Variants in CHODL observed in about 807,000 individuals in gnomAD.
CHODL encodes chondrolectin, also known as transmembrane protein MT75.
A neutral mutation model predicts 34.5 loss-of-function variants in CHODL; 29 were observed. The ratio of observed to expected loss-of-function variants is 0.84; its 90% confidence interval spans 0.63 to 1.15. The LOEUF is 1.15. Among genes scored for constraint, CHODL ranks in the 50% most tolerant of loss-of-function variants. CHODL has a pLI of 0.00. For missense variants in CHODL, 332 were observed against 332.5 expected, an observed-to-expected ratio of 1.00 and a Z score of 0.01; for synonymous variants, 125 against 116.1, an observed-to-expected ratio of 1.08 and a Z score of -0.49.
At chr21:18,021,116 A>G (rs879572000) in intron 1 of CHODL, among the ~76,000 whole-genome samples, 1 of 152,256 alleles carries the variant, frequency 6.6e-6, no homozygotes, top group African/African-American at 2.4e-5. Flanking sequence ...AGTTGTCAGC[A>G]TAAAAGAGCC....
intron 1 of CHODL, among the ~76,000 whole-genome samples, chr21:17,941,730 A>G (rs912271323): frequency 2.0e-5 from 3 of 152,208 alleles, no homozygotes; most frequent in Non-Finnish European, 4.4e-5. Flanking sequence ...CGCTCAGGCT[A>G]CTATAACAAA....
At chr21:18,233,636 C>T (rs991428566) in intron 2 of CHODL, among the ~76,000 whole-genome samples, 3 of 151,966 alleles carry the variant, frequency 2.0e-5, no homozygotes, top group Admixed American at 6.6e-5. Context: ...AACAGTTCAG[C>T]TTTCATTTTG....
chr21:17,941,769 A>G (rs925047968), intron 1 of CHODL, among the ~76,000 whole-genome samples: 4 of 152,200 alleles, frequency 2.6e-5, no homozygotes, highest in Non-Finnish European at 5.9e-5. Flanking sequence ...CTTATAAACA[A>G]CAGAAATTTA....
intron 2 of CHODL, among the ~76,000 whole-genome samples, chr21:18,195,969 A>G (rs141346334): frequency 6.6e-6 from 1 of 152,336 alleles, no homozygotes; most frequent in African/African-American, 2.4e-5. Context: ...CCTTCTGACC[A>G]TGGTGAACAT....
chr21:18,049,770 A>T (rs1446273409), intron 2 of CHODL, among the ~76,000 whole-genome samples: 1 of 151,994 alleles, frequency 6.6e-6, no homozygotes, highest in East Asian at 1.9e-4. Context: ...TAACAGCCTC[A>T]TTTTAACATA....
rs1346544531 is a variant in CHODL at position 18,032,662 on chromosome 21, G to T, written c.-45+4691G>T. ...GCAAATCAATGTACCCTAACATCTGGTGTGCAATTACTTACTTGAAAATAT... is the reference window on the plus strand; with the variant it reads ...GCAAATCAATGTACCCTAACATCTGTTGTGCAATTACTTACTTGAAAATAT... On this transcript the variant is annotated intron_variant, in intron 2 of 6. Coordinates refer to the CHODL transcript ENST00000400127. Among the ~76,000 whole-genome samples, 9 of 152,146 alleles carry T rather than the reference G, an allele frequency of 5.9e-5. No individual in the cohort carries two copies. In the East Asian group the frequency reaches 1.6e-3, roughly 26 times the overall value.
intron 2 of CHODL, among the ~76,000 whole-genome samples, chr21:18,050,629 T>C (rs1235126219): frequency 6.6e-6 from 1 of 151,894 alleles, no homozygotes; most frequent in Non-Finnish European, 1.5e-5. Context: ...CAACGATGAC[T>C]CCCAGGTTTG....
At chr21:18,261,325 C>CA (rs2074379675) in intron 4 of CHODL, among the ~76,000 whole-genome samples, 1 of 149,554 alleles carries the variant, frequency 6.7e-6, no homozygotes, top group African/African-American at 2.5e-5. Flanking sequence ...CTAACCTGCA[C>CA]AATGTGCACA....
chr21:18,244,521 C>T (rs2074112564), upstream of CHODL, among the ~76,000 whole-genome samples: 1 of 152,220 alleles, frequency 6.6e-6, no homozygotes, highest in African/African-American at 2.4e-5. Context: ...CACAACTTGG[C>T]AACCCCGTAG....
chr21:18,265,742 A>T (rs2074451782), intron 5 of CHODL, among the ~76,000 whole-genome samples: 1 of 152,174 alleles, frequency 6.6e-6, no homozygotes, highest in South Asian at 2.1e-4. Context: ...AAACAGGAAA[A>T]GATATGTTTT....
At position 18,078,014 on chromosome 21, in the gene CHODL, T is replaced by C. The variant is rs540736481; in HGVS notation, c.-45+50043T>C. The stretch of plus-strand genomic sequence containing the variant: ...GTGTGGTTAGAAGTATGGACTTGAG[T>C]CAAACTATTGGGTTTATAATTCAGG... On this transcript the variant is annotated intron_variant, in intron 2 of 6. Coordinates refer to the CHODL transcript ENST00000400127. Among the ~76,000 whole-genome samples the C allele has an allele frequency of 1.3e-4, 20 of 152,274 alleles. No individual in the cohort carries two copies. In the South Asian group the frequency reaches 4.1e-3, roughly 32 times the overall value.
At chr21:17,942,139 C>A (rs2146331871) in intron 1 of CHODL, among the ~76,000 whole-genome samples, 1 of 152,242 alleles carries the variant, frequency 6.6e-6, no homozygotes, top group Middle Eastern at 3.4e-3. Context: ...GTGTAAAAAA[C>A]AAGCAAAGAA....
intron 2 of CHODL, among the ~76,000 whole-genome samples, chr21:18,152,865 CAAAT>C (rs1399048169): frequency 6.6e-6 from 1 of 152,132 alleles, no homozygotes; most frequent in Non-Finnish European, 1.5e-5. Flanking sequence ...TATTAGACTC[CAAAT>C]AAATCTTCTG....
intron 2 of CHODL, among the ~76,000 whole-genome samples, chr21:18,106,836 A>G (rs967830787): frequency 3.9e-5 from 6 of 152,044 alleles, no homozygotes; most frequent in Non-Finnish European, 7.4e-5. Context: ...TCAGAACACC[A>G]CTAGGAGTTA....
chr21:18,208,694 A>C (rs2073740083), intron 2 of CHODL, among the ~76,000 whole-genome samples: 1 of 152,100 alleles, frequency 6.6e-6, no homozygotes, highest in Admixed American at 6.6e-5. Context: ...TGGTCACTGC[A>C]GCCATATCTG....
intron 2 of CHODL, among the ~76,000 whole-genome samples, chr21:18,207,138 G>A (rs576439755): frequency 5.9e-5 from 9 of 152,064 alleles, no homozygotes; most frequent in Non-Finnish European, 1.3e-4. Context: ...TGCCGTGTTT[G>A]GTTTTCTGTC....
chr21:18,125,658 C>G (rs1055437760), intron 2 of CHODL, among the ~76,000 whole-genome samples: 3 of 151,702 alleles, frequency 2.0e-5, no homozygotes, highest in Non-Finnish European at 4.4e-5. Flanking sequence ...TGCAGTGGTA[C>G]GATCTCAGCT....
chr21:18,168,866 T>C (rs1208209420), intron 2 of CHODL, among the ~76,000 whole-genome samples: 2 of 152,182 alleles, frequency 1.3e-5, no homozygotes, highest in Non-Finnish European at 2.9e-5. Context: ...TTTATGTATG[T>C]ATATTTTTCT....
At chr21:18,083,398 T>G (rs1034649903) in intron 2 of CHODL, among the ~76,000 whole-genome samples, 1 of 152,164 alleles carries the variant, frequency 6.6e-6, no homozygotes, top group South Asian at 2.1e-4. Context: ...AATGTGGGGT[T>G]AAAGCCCCCA....
Sources: allele counts gnomAD v4.1 joint callset (sites outside exome capture counted in the v4.1 genomes callset), GRCh38; gene constraint gnomAD v4.1.1; transcripts MANE v1.5; gene names NCBI Gene and HGNC (gene_info 2026-07-23, HGNC 2026-07-21).